ZPLD1: variants seen among roughly 807,000 people sequenced by gnomAD.
The protein encoded by ZPLD1 is zona pellucida like domain containing 1.
In ZPLD1, 34 loss-of-function variants were observed where a neutral mutation model predicts 47.2. The ratio of observed to expected loss-of-function variants is 0.72; its 90% CI spans 0.55 to 0.96. ZPLD1 has a LOEUF of 0.96. Ranked by LOEUF, ZPLD1 falls within the 40% of genes least tolerant of loss-of-function variation. The pLI, the probability that ZPLD1 is intolerant of heterozygous loss-of-function variation, is 0.00. For missense variants in ZPLD1, 512 were observed against 505.8 expected, an observed-to-expected ratio of 1.01 and a Z score of -0.12; for synonymous variants, 176 against 186.2, an observed-to-expected ratio of 0.95 and a Z score of 0.45.
intron 3 of ZPLD1, among the ~76,000 whole-genome samples, chr3:102,441,724 C>T (rs1707180504): frequency 6.6e-6 from 1 of 151,956 alleles, no homozygotes; most frequent in South Asian, 2.1e-4. Context: ...TTATATATAG[C>T]CAAGCAGAGA....
chr3:102,462,791 A>T (rs543213569), intron 7 of ZPLD1, among the ~76,000 whole-genome samples: 1 of 152,134 alleles, frequency 6.6e-6, no homozygotes, highest in Non-Finnish European at 1.5e-5. Context: ...AGTGTGTCAA[A>T]ATTACATAAA....
intron 10 of ZPLD1, among the ~76,000 whole-genome samples, chr3:102,475,504 G>A (rs963250012): frequency 1.1e-4 from 17 of 152,256 alleles, no homozygotes; most frequent in African/African-American, 3.9e-4. Context: ...TAAATTTTTA[G>A]CATTATATAT....
chr3:102,421,479 T>G (rs565681028), intron 8 of ZPLD1, among the ~76,000 whole-genome samples: 1 of 151,994 alleles, frequency 6.6e-6, no homozygotes, highest in East Asian at 1.9e-4. Context: ...ATTTAAAAAC[T>G]TTGGTGCATT....
intron 6 of ZPLD1, among the ~76,000 whole-genome samples, chr3:102,458,196 TA>T (rs1327055099): frequency 2.0e-5 from 3 of 152,146 alleles, no homozygotes; most frequent in African/African-American, 4.8e-5. Context: ...AGGAAATATA[TA>T]TTTTTTTTAT....
At chr3:102,413,751 A>G (rs749811313) in intron 7 of ZPLD1, among the ~76,000 whole-genome samples, 1 of 151,810 alleles carries the variant, frequency 6.6e-6, no homozygotes, top group Non-Finnish European at 1.5e-5. Context: ...TTGACTTGTC[A>G]GACTTCTAGA....
Position 102,437,870 on chromosome 3 carries a change from G to C in ZPLD1, c.-8-610G>C, listed in dbSNP as rs776173210. 3.9e-5 allele frequency among the ~76,000 whole-genome samples: 6 copies of C among 152,338 alleles called. 1 individual carries two copies. In the South Asian group the frequency reaches 6.2e-4, roughly 16 times the overall value. ...GGAACTGCAATGTTGTTCACACACAGAGTATTTTCCTGTTCTTCCTTTTGC... is the reference window on the plus strand; with the variant it reads ...GGAACTGCAATGTTGTTCACACACACAGTATTTTCCTGTTCTTCCTTTTGC... On this transcript the variant is annotated intron_variant, in intron 2 of 11. Coordinates refer to ENST00000466937, the MANE Select transcript of ZPLD1 (RefSeq NM_001329788.2).
chr3:102,456,440 A>G (rs1707414763), intron 5 of ZPLD1, 66 bp downstream of exon 5: 2 of 1,370,352 alleles, frequency 1.5e-6, no homozygotes, highest in Non-Finnish European at 2.0e-6. Context: ...CGTATCTTTC[A>G]GGGACTTAGA....
chr3:102,452,321 A>G (rs1344620228), intron 3 of ZPLD1, among the ~76,000 whole-genome samples: 2 of 148,286 alleles, frequency 1.3e-5, no homozygotes, highest in African/African-American at 5.0e-5. Flanking sequence ...TGAGCTGTGC[A>G]TTTTTGTTCA....
At chr3:102,473,883 C>T (rs568410427) in intron 10 of ZPLD1, among the ~76,000 whole-genome samples, 1 of 152,228 alleles carries the variant, frequency 6.6e-6, no homozygotes, top group East Asian at 1.9e-4. Flanking sequence ...TCTTCAGGTC[C>T]TGTGGCCAAT....
At chr3:102,450,030 T>C (rs1707312938) in intron 3 of ZPLD1, among the ~76,000 whole-genome samples, 1 of 152,154 alleles carries the variant, frequency 6.6e-6, no homozygotes. Context: ...TACAAATACA[T>C]ATATGATTCT....
At chr3:102,475,473 A>G (rs562340367) in intron 10 of ZPLD1, among the ~76,000 whole-genome samples, 2 of 152,334 alleles carry the variant, frequency 1.3e-5, no homozygotes, top group South Asian at 4.1e-4. Flanking sequence ...GATTTCTAAA[A>G]AAAAGAATAG....
chr3:102,444,529 A>G (rs1300063345), intron 3 of ZPLD1, among the ~76,000 whole-genome samples: 1 of 152,244 alleles, frequency 6.6e-6, no homozygotes, highest in Non-Finnish European at 1.5e-5. Context: ...TCAAAAATGA[A>G]TTAAAACAAC....
Position 102,469,015 on chromosome 3 carries a change from G to A in ZPLD1, c.813G>A (p.Arg271=). 6.2e-7 allele frequency: 1 copy of A among 1,614,090 alleles called. No individual in the cohort carries two copies. The change falls in exon 9 of 12, where the codon CGG becomes CGA. Residue 271 remains arginine, a synonymous_variant. Coordinates refer to ENST00000466937, the MANE Select transcript of ZPLD1 (RefSeq NM_001329788.2). ...TTVIENGRSQ[R]GRFSFEVFRF... is the part of the protein sequence containing the mutation. The stretch of plus-strand genomic sequence containing the variant: ...TCATTGAGAATGGCCGAAGCCAGCG[G>A]GGCCGGTTTTCTTTTGAAGTGTTCC...
At chr3:102,464,016 C>T (rs1383675388) in intron 7 of ZPLD1, among the ~76,000 whole-genome samples, 155 bp from the exon 8 acceptor site, 1 of 151,976 alleles carries the variant, frequency 6.6e-6, no homozygotes, top group African/African-American at 2.4e-5. Context: ...TGCCACTGCA[C>T]TCCAGTCTGG....
intron 10 of ZPLD1, among the ~76,000 whole-genome samples, chr3:102,471,384 T>C (rs1210546077): frequency 6.6e-6 from 1 of 152,222 alleles, no homozygotes; most frequent in East Asian, 1.9e-4. Context: ...ACTCCGTACA[T>C]GGCCCAGTTT....
chr3:102,464,042 T>C, intron 7 of ZPLD1, 129 bp from the exon 8 acceptor site: 1 of 687,748 alleles, frequency 1.5e-6, no homozygotes, highest in African/African-American at 1.8e-5. Flanking sequence ...GGAACAAGAC[T>C]CCGTCTCAAA....
chr3:102,402,018 C>G (rs994998197), intron 7 of ZPLD1, among the ~76,000 whole-genome samples: 4 of 151,890 alleles, frequency 2.6e-5, no homozygotes, highest in African/African-American at 9.7e-5. Flanking sequence ...TTTTTTTCCC[C>G]TAGAGATTTG....
intron 6 of ZPLD1, among the ~76,000 whole-genome samples, chr3:102,388,151 T>C (rs1046074235): frequency 2.6e-5 from 4 of 152,244 alleles, no homozygotes; most frequent in Admixed American, 6.5e-5. Flanking sequence ...TGAGCCACCA[T>C]GCCCGGCCTC....
At chr3:102,467,965 A>G (rs2107352355) in intron 8 of ZPLD1, among the ~76,000 whole-genome samples, 1 of 152,240 alleles carries the variant, frequency 6.6e-6, no homozygotes, top group South Asian at 2.1e-4. Context: ...AAAAGAACTC[A>G]TAAGAATCAG....
Sources: allele counts gnomAD v4.1 joint callset (sites outside exome capture counted in the v4.1 genomes callset), GRCh38; gene constraint gnomAD v4.1.1; transcripts MANE v1.5; gene names NCBI Gene and HGNC (gene_info 2026-07-23, HGNC 2026-07-21).